Variants in HCRTR2 observed in about 807,000 individuals in gnomAD.
HCRTR2 encodes the protein orexin receptor type 2.
Under a neutral mutation model 49.0 loss-of-function variants are expected in HCRTR2, and 22 were observed. That is an observed-to-expected ratio of 0.45 (90% CI 0.32 to 0.64). The LOEUF is 0.64. HCRTR2 is among the 30% of genes least tolerant of loss of function. The pLI is 0.04. For synonymous variants in HCRTR2, 236 were observed against 205.3 expected (o/e 1.15, Z -1.28); for missense variants, 491 against 559.4 (o/e 0.88, Z 1.23).
rs573721159 is a variant in HCRTR2 at position 55,238,062 on chromosome 6, T to G, written c.224-10577T>G. 4.6e-5 allele frequency among the ~76,000 whole-genome samples: 7 copies of G among 152,262 alleles called. No homozygotes were observed. The East Asian group carries it at 1.2e-3, about 25-fold the overall frequency. On this transcript the variant is annotated intron_variant, in intron 1 of 6. Coordinates refer to ENST00000370862, the MANE Select transcript of HCRTR2 (RefSeq NM_001384272.1). ...ATCCCCTGGAGTATAGAACCATAAA[T>G]CTAAATGCCAACTGGGTATTGACAC...
chr6:55,130,679 G>T (rs990476128), intron 1 of HCRTR2, among the ~76,000 whole-genome samples: 2 of 151,682 alleles, frequency 1.3e-5, no homozygotes, highest in Non-Finnish European at 3.0e-5. Flanking sequence ...CATAGAACCT[G>T]GCCTTGGCCT....
chr6:55,190,840 C>T (rs1192176392), intron 1 of HCRTR2, among the ~76,000 whole-genome samples: 1 of 151,700 alleles, frequency 6.6e-6, no homozygotes, highest in Non-Finnish European at 1.5e-5. Flanking sequence ...GTCAGAATTT[C>T]AGGGAGTGAA....
chr6:55,224,585 T>C (rs1765961703), intron 1 of HCRTR2, among the ~76,000 whole-genome samples: 1 of 150,510 alleles, frequency 6.6e-6, no homozygotes, highest in Non-Finnish European at 1.5e-5. Context: ...GTTGTGCCAC[T>C]GAACTCCAGC....
chr6:55,172,065 C>T (rs543525739), upstream of HCRTR2, among the ~76,000 whole-genome samples: 25 of 152,140 alleles, frequency 1.6e-4, no homozygotes, highest in South Asian at 3.7e-3. Flanking sequence ...AGATTTATGC[C>T]GATGAACTTG....
At chr6:55,112,714 G>C (rs1261656115) in intron 1 of HCRTR2, among the ~76,000 whole-genome samples, 1 of 151,804 alleles carries the variant, frequency 6.6e-6, no homozygotes, top group East Asian at 1.9e-4. Context: ...TGACAATACT[G>C]CAAAAGCGAT....
At position 55,179,180 on chromosome 6, in the gene HCRTR2, A is replaced by G. The variant is rs146660341; in HGVS notation, c.223+4370A>G. On this transcript the variant is annotated intron_variant, in intron 1 of 6. Transcript: ENST00000370862. ...GTTACTCCTAAGCCTAGAGACATTTATTTTCTGCTTCTCCGAATGCCCATT... is the reference window on the plus strand; with the variant it reads ...GTTACTCCTAAGCCTAGAGACATTTGTTTTCTGCTTCTCCGAATGCCCATT... Among the ~76,000 whole-genome samples the G allele has an allele frequency of 7.8e-3, 1,180 of 152,060 alleles. 7 individuals are homozygous for G. Among genetic ancestry groups the G allele is most frequent in the Non-Finnish European group, 0.012 (801 of 67,960 alleles).
downstream of HCRTR2, among the ~76,000 whole-genome samples, chr6:55,283,966 C>T (rs1276790070): frequency 6.6e-6 from 1 of 152,122 alleles, no homozygotes; most frequent in Non-Finnish European, 1.5e-5. Context: ...AAAATATCAG[C>T]ACTATATCAG....
intron 4 of HCRTR2, among the ~76,000 whole-genome samples, chr6:55,271,843 G>C (rs1042014762): frequency 6.6e-6 from 1 of 152,120 alleles, no homozygotes; most frequent in African/African-American, 2.4e-5. Flanking sequence ...CAACAGGATA[G>C]ATTTGTTTTA....
chr6:55,240,028 C>G (rs558652929), intron 1 of HCRTR2, among the ~76,000 whole-genome samples: 1 of 151,814 alleles, frequency 6.6e-6, no homozygotes, highest in Non-Finnish European at 1.5e-5. Flanking sequence ...CCCCCCGCCT[C>G]GTTCTCCCAA....
At chr6:55,142,787 C>G (rs955870798) in intron 1 of HCRTR2, among the ~76,000 whole-genome samples, 1 of 151,130 alleles carries the variant, frequency 6.6e-6, no homozygotes, top group Admixed American at 6.6e-5. Context: ...TTACCAGACC[C>G]ATGAATCATC....
chr6:55,242,681 C>T (rs1766359017), intron 1 of HCRTR2, among the ~76,000 whole-genome samples: 2 of 152,174 alleles, frequency 1.3e-5, no homozygotes, highest in African/African-American at 4.8e-5. Context: ...GAGACACAAT[C>T]TTACATATGC....
chr6:55,141,066 G>A (rs1352027265), intron 1 of HCRTR2, among the ~76,000 whole-genome samples: 1 of 152,054 alleles, frequency 6.6e-6, no homozygotes, highest in East Asian at 1.9e-4. Flanking sequence ...CGGGTGCGAC[G>A]GCTCATGCCT....
At chr6:55,158,176 G>A (rs1764756186) in intron 1 of HCRTR2, among the ~76,000 whole-genome samples, 1 of 152,176 alleles carries the variant, frequency 6.6e-6, no homozygotes, top group East Asian at 1.9e-4. Context: ...GCTGGATGGG[G>A]TGTCACCTCA....
intron 1 of HCRTR2, among the ~76,000 whole-genome samples, chr6:55,141,806 C>T (rs934443454): frequency 6.6e-6 from 1 of 152,066 alleles, no homozygotes; most frequent in African/African-American, 2.4e-5. Flanking sequence ...TGACTAATAA[C>T]TTGTGCATGC....
chr6:55,257,796 AT>A (rs1372611248), intron 3 of HCRTR2, among the ~76,000 whole-genome samples: 4 of 151,890 alleles, frequency 2.6e-5, no homozygotes, highest in African/African-American at 4.8e-5. Context: ...TAAGAAAACT[AT>A]TTGAAGGTGA....
At chr6:55,156,114 T>A (rs1764727251) in intron 1 of HCRTR2, among the ~76,000 whole-genome samples, 1 of 151,740 alleles carries the variant, frequency 6.6e-6, no homozygotes, top group Non-Finnish European at 1.5e-5. Context: ...ATTAATAATA[T>A]TATTGTTACA....
intron 1 of HCRTR2, among the ~76,000 whole-genome samples, chr6:55,199,263 TTTG>T (rs1272440605): frequency 6.6e-6 from 1 of 151,888 alleles, no homozygotes; most frequent in Non-Finnish European, 1.5e-5. Context: ...TGACCAGTTT[TTTG>T]TTTTTTTTTT....
Position 55,161,941 on chromosome 6 carries a change from C to A in HCRTR2, c.-377-12270C>A, listed in dbSNP as rs529703047. Among the ~76,000 whole-genome samples, 6 of 152,236 alleles carry A rather than the reference C, an allele frequency of 3.9e-5. 1 individual carries two copies. In the South Asian group the frequency reaches 1.2e-3, roughly 32 times the overall value. On this transcript the variant is annotated intron_variant, in intron 1 of 7. Transcript: ENST00000615358. The stretch of plus-strand genomic sequence containing the variant: ...TGGTACCATTCCTTCTGAAACTATT[C>A]CAAACAACAGAAAAAGAAAGACTCC...
intron 1 of HCRTR2, among the ~76,000 whole-genome samples, chr6:55,221,245 A>G (rs1402727161): frequency 2.0e-5 from 3 of 152,206 alleles, no homozygotes; most frequent in Non-Finnish European, 1.5e-5. Context: ...AGAAGAGCAA[A>G]GTAGAGGGTC....
Sources: gnomAD v4.1 joint callset for allele counts (sites outside exome capture counted in the v4.1 genomes callset) on GRCh38, gnomAD v4.1.1 for gene constraint, MANE v1.5 for transcripts, NCBI Gene and HGNC (gene_info 2026-07-23, HGNC 2026-07-21) for gene names.